Variants in AGO1 observed in about 807,000 individuals in gnomAD.
AGO1 encodes protein argonaute-1.
In AGO1, 11 loss-of-function variants were observed where a neutral mutation model predicts 109.2. The observed-to-expected ratio is 0.10, with a 90% CI of 0.06 to 0.17. AGO1 has a LOEUF of 0.17. Ranked by LOEUF, AGO1 falls within the 10% of genes least tolerant of loss-of-function variation. AGO1 has a pLI of 1.00. For synonymous variants in AGO1, 422 were observed against 418.6 expected (o/e 1.01, Z -0.10); for missense variants, 574 against 1,140.3 (o/e 0.50, Z 7.15).
intron 12 of AGO1, among the ~76,000 whole-genome samples, chr1:35,908,046 A>G (rs1046288659): frequency 6.6e-6 from 1 of 152,186 alleles, no homozygotes; most frequent in African/African-American, 2.4e-5. Flanking sequence ...CTTGAGCCCA[A>G]GAGGTTGAGG....
At position 35,883,483 on chromosome 1, in the gene AGO1, A is replaced by C. The variant is rs1358157134; in HGVS notation, c.25+37A>C. 8 of 1,536,716 alleles carry C rather than the reference A, an allele frequency of 5.2e-6. No individual in the cohort carries two copies. The highest frequency in any genetic ancestry group is 6.1e-6 in the Non-Finnish European group (7 of 1,148,916). On this transcript the variant is annotated intron_variant, in intron 1 of 18. Coordinates refer to ENST00000373204, the MANE Select transcript of AGO1 (RefSeq NM_012199.5). The surrounding 1 kb of genome is among the most constrained non-coding windows in gnomAD (Gnocchi z 5.4). Reference sequence around the variant, plus strand: ...CAGGAGGGGGAACGGTGCATGCTCCAAGGACTGGGGGATCCCGCATGAAAA... The same window carrying C: ...CAGGAGGGGGAACGGTGCATGCTCCCAGGACTGGGGGATCCCGCATGAAAA...
chr1:35,880,688 C>T (rs549695944), upstream of AGO1, among the ~76,000 whole-genome samples: 3 of 152,288 alleles, frequency 2.0e-5, no homozygotes, highest in South Asian at 6.2e-4. Context: ...GAGATGGAGT[C>T]TTGCTTTGTC....
chr1:35,910,602 T>TA (rs1645615252), intron 12 of AGO1, among the ~76,000 whole-genome samples: 3 of 152,316 alleles, frequency 2.0e-5, no homozygotes, highest in African/African-American at 7.2e-5. Context: ...ATTTAAACTT[T>TA]ATATAAATAG....
chr1:35,891,552 T>A (rs1645219188), intron 2 of AGO1, among the ~76,000 whole-genome samples: 1 of 152,178 alleles, frequency 6.6e-6, no homozygotes, highest in African/African-American at 2.4e-5. Flanking sequence ...TGTTTTGTTT[T>A]AATTTATTTT....
At position 35,888,379 on chromosome 1, in the gene AGO1, G is replaced by A. The variant is rs370567202; in HGVS notation, c.26-48G>A. 4.4e-6 allele frequency: 7 copies of A among 1,593,134 alleles called. No individual in the cohort carries two copies. Among genetic ancestry groups the A allele is most frequent in the Non-Finnish European group, 6.0e-6 (7 of 1,166,092 alleles). ...CCTTGTTCCTCCTCTGATAAGAGTA[G>A]TTAGGAGATTGCCAGACTTTACCCT... On this transcript the variant is annotated intron_variant, in intron 1 of 18. Transcript: ENST00000373204. The surrounding 1 kb of genome is among the most constrained non-coding windows in gnomAD (Gnocchi z 4.1).
chr1:35,887,397 C>A (rs774357186), intron 1 of AGO1, among the ~76,000 whole-genome samples: 1 of 152,172 alleles, frequency 6.6e-6, no homozygotes, highest in Non-Finnish European at 1.5e-5. Context: ...TCTCTTCCCC[C>A]CAAGCTAGAA....
At chr1:35,891,432 ATTC>A (rs1444362975) in intron 2 of AGO1, among the ~76,000 whole-genome samples, 34 of 152,208 alleles carry the variant, frequency 2.2e-4, no homozygotes, top group Non-Finnish European at 4.0e-4. Flanking sequence ...TCCACAGTTT[ATTC>A]TTATTCCAGT....
chr1:35,901,844 G>C lies in AGO1; in HGVS notation c.1141-104G>C. ...TTCTCTCTCTTTTTAGGACTATTCCGTACCAACCCCAGCTTCTCCTTAGGG... is the reference window on the plus strand; with the variant it reads ...TTCTCTCTCTTTTTAGGACTATTCCCTACCAACCCCAGCTTCTCCTTAGGG... On this transcript the variant is annotated intron_variant, in intron 9 of 18. Coordinates refer to ENST00000373204, the MANE Select transcript of AGO1 (RefSeq NM_012199.5). The surrounding 1 kb of genome is among the most constrained non-coding windows in gnomAD (Gnocchi z 4.8). 1 of 1,481,038 alleles carries C rather than the reference G, an allele frequency of 6.8e-7. No homozygotes were observed. The highest frequency in any genetic ancestry group is 9.1e-7 in the Non-Finnish European group (1 of 1,102,286). 91.7% of individuals were successfully genotyped at this position (1,481,038 alleles called of 1,614,324 possible). A position where few individuals can be genotyped will look rare whatever the true frequency, so the allele number is the denominator to read the frequency against.
intron 1 of AGO1, among the ~76,000 whole-genome samples, chr1:35,884,616 C>A (rs1375354205): frequency 6.6e-6 from 1 of 152,150 alleles, no homozygotes; most frequent in African/African-American, 2.4e-5. Flanking sequence ...GTCTTTAGAG[C>A]CAAGATCTAA....
At position 35,918,348 on chromosome 1, in the gene AGO1, T is replaced by C. The variant is rs767227187; in HGVS notation, c.2190T>C (p.Ala730=). 1 of 1,614,140 alleles carries C rather than the reference T, an allele frequency of 6.2e-7. No individual in the cohort carries two copies. Among genetic ancestry groups the C allele is most frequent in the Non-Finnish European group, 8.5e-7 (1 of 1,180,006 alleles). ...ERIGKSGNIP[A]GTTVDTNITH... ...TTGGGAAGAGTGGTAACATCCCAGC[T>C]GGGACCACAGTGGACACCAACATCA... Residue 730 remains alanine, a synonymous_variant, in exon 17 of 19, where the codon GCT becomes GCC. Transcript: ENST00000373204.
At chr1:35,876,078 G>A (rs1168309345) in intron 1 of AGO1, among the ~76,000 whole-genome samples, 4 of 152,142 alleles carry the variant, frequency 2.6e-5, no homozygotes, top group South Asian at 4.1e-4. Flanking sequence ...TAAGGGTTTG[G>A]AAGACATTGA....
Position 35,914,310 on chromosome 1 carries a change from C to G in AGO1, c.1833+36C>G, listed in dbSNP as rs536131642. 23 of 1,563,046 alleles carry G rather than the reference C, an allele frequency of 1.5e-5. No individual in the cohort carries two copies. In the South Asian group the frequency reaches 2.2e-4, roughly 15 times the overall value. On this transcript the variant is annotated intron_variant, in intron 14 of 18. Coordinates refer to ENST00000373204, the MANE Select transcript of AGO1 (RefSeq NM_012199.5). ...TTCTGTAGCTGCCTCATAAGGTTCT[C>G]CTCTTCGCTCTGAGTCCTCAAAACT...
Position 35,901,941 on chromosome 1 carries a change from C to G in AGO1, c.1141-7C>G. On this transcript the variant is annotated splice_polypyrimidine_tract_variant and splice_region_variant and intron_variant, in intron 9 of 18. Coordinates refer to ENST00000373204, the MANE Select transcript of AGO1 (RefSeq NM_012199.5). This position sits in a 1 kb window ranked among gnomAD's most constrained non-coding sequence, Gnocchi z 4.8. ...TTCTCCTGAGATTGCTCTCTTTTGT[C>G]CTGCAGATGAAGAATGCCAGCTACA... is the stretch of plus-strand genomic sequence containing the variant. 1 of 1,578,878 alleles carries G rather than the reference C, an allele frequency of 6.3e-7. No individual in the cohort carries two copies. The highest frequency in any genetic ancestry group is 8.6e-7 in the Non-Finnish European group (1 of 1,163,204).
chr1:35,897,350 A>G (rs1571352945), intron 8 of AGO1, among the ~76,000 whole-genome samples: 1 of 152,358 alleles, frequency 6.6e-6, no homozygotes, highest in East Asian at 1.9e-4. Flanking sequence ...CCTTCCAGGC[A>G]GGAGGAAGTA....
intron 12 of AGO1, 95 bp from the exon 13 acceptor site, chr1:35,913,747 T>C: frequency 3.1e-6 from 4 of 1,292,656 alleles, no homozygotes; most frequent in Non-Finnish European, 4.3e-6. Context: ...CCTGTCATTA[T>C]TGTGTTCCCT....
rs1557606960 is a variant in AGO1 at position 35,893,698 on chromosome 1, C to G, written c.537C>G (p.Phe179Leu). 1 of 1,613,706 alleles carries G rather than the reference C, an allele frequency of 6.2e-7. No homozygotes were observed. The highest frequency in any genetic ancestry group is 8.5e-7 in the Non-Finnish European group (1 of 1,179,848). ...GGTACACCCCTGTGGGCCGCTCCTT[C>G]TTCTCACCGCCTGAGGGCTACTACC... Reference protein sequence around the residue: ...SMRYTPVGRSFFSPPEGYYHP... With the variant: ...SMRYTPVGRSLFSPPEGYYHP... Residue 179 changes from phenylalanine to leucine, a missense_variant, in exon 5 of 19, where the codon TTC (phenylalanine) becomes TTG (leucine). Phe to Leu is a conservative substitution (Grantham distance 22). Transcript: ENST00000373204. This position sits in a 1 kb window ranked among gnomAD's most constrained non-coding sequence, Gnocchi z 5.6.
Position 35,919,672 on chromosome 1 carries a change from CA to C in AGO1, c.*68del. 1 of 1,487,118 alleles carries C rather than the reference CA, an allele frequency of 6.7e-7. No homozygotes were observed. The highest frequency in any genetic ancestry group is 9.2e-7 in the Non-Finnish European group (1 of 1,085,768). The allele number at this position is 1,487,118 out of a possible 1,614,324, so 92.1% of individuals were successfully genotyped here. ...TCCAAGCCCCAGGAGCTGTGCCACCCAAATCCAGAGGAAGCAAGGAGGAGGG... is the reference window on the plus strand; with the variant it reads ...TCCAAGCCCCAGGAGCTGTGCCACCCAATCCAGAGGAAGCAAGGAGGAGGG... On this transcript the variant is annotated 3_prime_UTR_variant, in exon 19 of 19. Transcript: ENST00000373204. The surrounding 1 kb of genome is among the most constrained non-coding windows in gnomAD (Gnocchi z 6.6).
At chr1:35,887,996 A>G (rs1185844126) in intron 1 of AGO1, among the ~76,000 whole-genome samples, 3 of 152,124 alleles carry the variant, frequency 2.0e-5, no homozygotes, top group Non-Finnish European at 4.4e-5. Flanking sequence ...AGGTTATGCC[A>G]TTTTGTATTC....
chr1:35,898,542 A>G (rs1645361276), intron 8 of AGO1, among the ~76,000 whole-genome samples: 1 of 152,204 alleles, frequency 6.6e-6, no homozygotes, highest in Non-Finnish European at 1.5e-5. Flanking sequence ...GGCGTGAGCC[A>G]TTGCACCTGG....
Sources: allele counts gnomAD v4.1 joint callset (sites outside exome capture counted in the v4.1 genomes callset), GRCh38; gene constraint gnomAD v4.1.1; non-coding constraint Gnocchi (gnomAD v3.1); transcripts MANE v1.5; gene names NCBI Gene and HGNC (gene_info 2026-07-23, HGNC 2026-07-21).